Variants in CREB5 observed in about 807,000 individuals in gnomAD.
CREB5 encodes the protein cAMP responsive element binding protein 5, also known as cyclic AMP-responsive element-binding protein 5.
A neutral mutation model predicts 57.1 loss-of-function variants in CREB5; 19 were observed. The observed-to-expected ratio is 0.33, with a 90% CI of 0.23 to 0.49. The LOEUF is 0.49. Among genes scored for constraint, CREB5 ranks in the 20% least tolerant of loss-of-function variants. The pLI, the probability that CREB5 is intolerant of heterozygous loss-of-function variation, is 0.99. For synonymous variants in CREB5, 238 were observed against 238.3 expected, an observed-to-expected ratio of 1.00 and a Z score of 0.01; for missense variants, 579 against 671.6, an observed-to-expected ratio of 0.86 and a Z score of 1.52.
At chr7:28,613,328 G>A (rs1797469433) in intron 5 of CREB5, among the ~76,000 whole-genome samples, 1 of 152,190 alleles carries the variant, frequency 6.6e-6, no homozygotes, top group Admixed American at 6.5e-5. Context: ...CTGAGGCAGG[G>A]CCCAGATCCT....
chr7:28,396,475 A>G (rs1289439832), intron 1 of CREB5, among the ~76,000 whole-genome samples: 2 of 152,180 alleles, frequency 1.3e-5, no homozygotes, highest in Admixed American at 6.5e-5. Context: ...ACTAATCTAT[A>G]TCAGTGTCAT....
intron 4 of CREB5, among the ~76,000 whole-genome samples, chr7:28,523,808 T>G (rs2128617731): frequency 6.6e-6 from 1 of 152,350 alleles, no homozygotes; most frequent in African/African-American, 2.4e-5. Flanking sequence ...AAGCCTTCTC[T>G]GATCTCCCCT....
chr7:28,621,519 A>G (rs1797789985), intron 5 of CREB5, among the ~76,000 whole-genome samples: 2 of 152,204 alleles, frequency 1.3e-5, no homozygotes, highest in African/African-American at 4.8e-5. Context: ...CACCTTCTGA[A>G]CAAAGTGGCC....
At chr7:28,519,988 T>C (rs938501893) in intron 4 of CREB5, among the ~76,000 whole-genome samples, 1 of 152,210 alleles carries the variant, frequency 6.6e-6, no homozygotes, top group Admixed American at 6.5e-5. Flanking sequence ...GAAGGACATG[T>C]GTGTCTCTGA....
intron 1 of CREB5, among the ~76,000 whole-genome samples, chr7:28,333,902 G>T (rs1041187767): frequency 1.3e-5 from 2 of 152,096 alleles, no homozygotes; most frequent in African/African-American, 2.4e-5. Flanking sequence ...TTTCTTTTGG[G>T]TATATACCCA....
At chr7:28,769,053 A>C (rs868459020) in intron 7 of CREB5, among the ~76,000 whole-genome samples, 1 of 152,232 alleles carries the variant, frequency 6.6e-6, no homozygotes, top group Non-Finnish European at 1.5e-5. Context: ...TGGTACACTA[A>C]AGGAAACACA....
In CREB5 at chr7:28,570,614, G is replaced by A. The variant is rs1795663670; in HGVS notation, c.464+77G>A. 10 of 1,522,576 alleles carry A rather than the reference G, an allele frequency of 6.6e-6. No homozygotes were observed. The South Asian group carries it at 1.0e-4, about 16-fold the overall frequency. 94.3% of individuals were successfully genotyped at this position (1,522,576 alleles called of 1,614,324 possible). A position where few individuals can be genotyped will look rare whatever the true frequency, so the allele number is the denominator to read the frequency against. On this transcript the variant is annotated intron_variant, in intron 5 of 10. Coordinates refer to ENST00000357727, the MANE Select transcript of CREB5 (RefSeq NM_182898.4). ...GTCCTGGACTTCCTCCTGGTTTCTG[G>A]TGCTCAGATTGGTTGGTTTTTCTGG...
At chr7:28,430,544 T>C (rs1040768675) in intron 1 of CREB5, among the ~76,000 whole-genome samples, 7 of 152,230 alleles carry the variant, frequency 4.6e-5, no homozygotes, top group African/African-American at 1.2e-4. Flanking sequence ...ATGATTGATG[T>C]AGCAAAATAT....
At chr7:28,523,723 T>C (rs1793307022) in intron 4 of CREB5, among the ~76,000 whole-genome samples, 1 of 152,240 alleles carries the variant, frequency 6.6e-6, no homozygotes, top group African/African-American at 2.4e-5. Flanking sequence ...TATTTCCTCT[T>C]GCAAGGTCTT....
At chr7:28,778,529 T>C (rs1806788054) in intron 7 of CREB5, among the ~76,000 whole-genome samples, 1 of 152,236 alleles carries the variant, frequency 6.6e-6, no homozygotes, top group African/African-American at 2.4e-5. Context: ...ATGCTTTTTT[T>C]CAACAAATCT....
chr7:28,706,311 G>A lies in CREB5; in HGVS notation c.465-12442G>A, dbSNP rs139956439. On this transcript the variant is annotated intron_variant, in intron 5 of 10. Transcript: ENST00000357727. ...AAAGAGGTTGCAGTGAGCTGAGATC[G>A]TGCCATTGCACTCCAGCCTGGGCAA... Among the ~76,000 whole-genome samples, 145 of 152,126 alleles carry A rather than the reference G, an allele frequency of 9.5e-4. 1 individual carries two copies. The East Asian group carries it at 0.021, about 22-fold the overall frequency.
chr7:28,675,242 G>A (rs1016391177), intron 5 of CREB5, among the ~76,000 whole-genome samples: 1 of 152,144 alleles, frequency 6.6e-6, no homozygotes, highest in Non-Finnish European at 1.5e-5. Flanking sequence ...TTTACGTGTT[G>A]ATTATCTCTT....
chr7:28,640,032 T>C (rs1798587260), intron 5 of CREB5, among the ~76,000 whole-genome samples: 1 of 152,200 alleles, frequency 6.6e-6, no homozygotes, highest in South Asian at 2.1e-4. Flanking sequence ...CCTCACAGAC[T>C]ATAGGATGTG....
chr7:28,490,015 G>C (rs773746912), intron 2 of CREB5, among the ~76,000 whole-genome samples: 1 of 152,192 alleles, frequency 6.6e-6, no homozygotes, highest in African/African-American at 2.4e-5. Flanking sequence ...CTTCTTTGAA[G>C]AGAAGTCTTG....
At chr7:28,457,448 G>C (rs1790150352) in intron 1 of CREB5, among the ~76,000 whole-genome samples, 1 of 152,146 alleles carries the variant, frequency 6.6e-6, no homozygotes, top group African/African-American at 2.4e-5. Flanking sequence ...CTCATTGGTG[G>C]ATCTGGAGAG....
chr7:28,456,611 C>G (rs753731486), intron 1 of CREB5, among the ~76,000 whole-genome samples: 18 of 152,206 alleles, frequency 1.2e-4, no homozygotes, highest in Non-Finnish European at 2.6e-4. Flanking sequence ...CAATAATTCT[C>G]TCCAGAAAGG....
chr7:28,643,694 A>T (rs1216646563), intron 5 of CREB5, among the ~76,000 whole-genome samples: 1 of 150,830 alleles, frequency 6.6e-6, no homozygotes, highest in Non-Finnish European at 1.5e-5. Flanking sequence ...CTAGAGGCAA[A>T]TCTCCATAAG....
intron 1 of CREB5, among the ~76,000 whole-genome samples, chr7:28,328,722 A>G (rs1177137605): frequency 6.6e-6 from 1 of 152,202 alleles, no homozygotes; most frequent in Non-Finnish European, 1.5e-5. Flanking sequence ...ATCAAAAGTA[A>G]TCACCTGCTT....
chr7:28,496,608 A>G (rs1214184512), intron 3 of CREB5, among the ~76,000 whole-genome samples: 1 of 152,148 alleles, frequency 6.6e-6, no homozygotes, highest in Non-Finnish European at 1.5e-5. Flanking sequence ...CGGCTACTGC[A>G]TCATCAGACT....
Sources: gnomAD v4.1 joint callset for allele counts (sites outside exome capture counted in the v4.1 genomes callset) on GRCh38, gnomAD v4.1.1 for gene constraint, MANE v1.5 for transcripts, NCBI Gene and HGNC (gene_info 2026-07-23, HGNC 2026-07-21) for gene names.